The following SLC38A1 variants were observed in gnomAD, a reference collection of about 807,000 sequenced individuals.
SLC38A1 encodes the protein sodium-coupled neutral amino acid symporter 1.
In SLC38A1, 18 loss-of-function variants were observed where a neutral mutation model predicts 60.3. The observed-to-expected ratio is 0.30, with a 90% CI of 0.21 to 0.44. The LOEUF (loss-of-function observed/expected upper bound fraction) is 0.44. Ranked by LOEUF, SLC38A1 falls within the 20% of genes least tolerant of loss-of-function variation. SLC38A1 has a pLI of 1.00. For synonymous variants in SLC38A1, 196 were observed against 212.1 expected (o/e 0.92, Z 0.66); for missense variants, 448 against 587.2 (o/e 0.76, Z 2.45).
intron 2 of SLC38A1, among the ~76,000 whole-genome samples, chr12:46,241,085 C>T (rs1287036164): frequency 6.6e-6 from 1 of 151,982 alleles, no homozygotes; most frequent in Non-Finnish European, 1.5e-5. Flanking sequence ...GCATGGGGAG[C>T]CTCACCGTGA....
At chr12:46,208,904 C>T in intron 6 of SLC38A1, 150 bp downstream of exon 6, 1 of 565,760 alleles carries the variant, frequency 1.8e-6, no homozygotes, top group Non-Finnish European at 3.1e-6. Context: ...TAGATAAATA[C>T]TACTATAGGT....
At chr12:46,249,949 A>G (rs1445061119) in intron 1 of SLC38A1, among the ~76,000 whole-genome samples, 1 of 152,212 alleles carries the variant, frequency 6.6e-6, no homozygotes, top group Non-Finnish European at 1.5e-5. Flanking sequence ...AACTATTCTA[A>G]TTAATGGAAA....
At chr12:46,256,100 A>G (rs560320994) in intron 1 of SLC38A1, among the ~76,000 whole-genome samples, 1 of 149,754 alleles carries the variant, frequency 6.7e-6, no homozygotes, top group African/African-American at 2.5e-5. Context: ...TAGGAGGCAG[A>G]GCTTACAGTG....
chr12:46,263,657 C>T (rs1395009940), intron 1 of SLC38A1, among the ~76,000 whole-genome samples: 1 of 152,044 alleles, frequency 6.6e-6, no homozygotes, highest in Non-Finnish European at 1.5e-5. Context: ...CTATCCCTTT[C>T]TTTTTCCTTT....
chr12:46,192,527 T>A (rs1284693830), intron 16 of SLC38A1, among the ~76,000 whole-genome samples: 2 of 152,210 alleles, frequency 1.3e-5, no homozygotes, highest in African/African-American at 4.8e-5. Flanking sequence ...TCTTTGTACC[T>A]CTGGTAGAAT....
At chr12:46,224,013 A>T (rs2137743824) in intron 5 of SLC38A1, among the ~76,000 whole-genome samples, 1 of 152,360 alleles carries the variant, frequency 6.6e-6, no homozygotes, top group South Asian at 2.1e-4. Flanking sequence ...ATGTAACAAA[A>T]CAAAACCCAC....
At chr12:46,231,366 A>C (rs951360989) in intron 3 of SLC38A1, among the ~76,000 whole-genome samples, 5 of 152,222 alleles carry the variant, frequency 3.3e-5, no homozygotes, top group African/African-American at 1.2e-4. Flanking sequence ...TTAAAAGCCC[A>C]AACTTCACCA....
At chr12:46,195,165 T>G (rs1939311304) in intron 16 of SLC38A1, among the ~76,000 whole-genome samples, 1 of 152,178 alleles carries the variant, frequency 6.6e-6, no homozygotes, top group Non-Finnish European at 1.5e-5. Context: ...TGCTTTCTCT[T>G]TGTTAGTTTT....
chr12:46,249,248 C>G (rs909997929), intron 1 of SLC38A1, among the ~76,000 whole-genome samples: 1 of 149,380 alleles, frequency 6.7e-6, no homozygotes, highest in African/African-American at 2.5e-5. Flanking sequence ...GGGTAAATAA[C>G]AAAATGAAGG....
At chr12:46,208,947 T>C in intron 6 of SLC38A1, 107 bp downstream of exon 6, 2 of 796,826 alleles carry the variant, frequency 2.5e-6, no homozygotes, top group Non-Finnish European at 4.1e-6. Flanking sequence ...ATAGTCTTTC[T>C]TTTTAATAAT....
chr12:46,195,880 G>C, intron 16 of SLC38A1: 1 of 346,570 alleles, frequency 2.9e-6, no homozygotes. Flanking sequence ...GGCTGGGAAA[G>C]GTAAATCCCC....
intron 1 of SLC38A1, among the ~76,000 whole-genome samples, chr12:46,266,479 C>T (rs987054173): frequency 6.6e-6 from 1 of 151,806 alleles, no homozygotes; most frequent in African/African-American, 2.4e-5. Context: ...TTCCGCTGGC[C>T]TTCTTCCCTC....
chr12:46,241,151 T>A (rs575636783), intron 2 of SLC38A1, among the ~76,000 whole-genome samples: 5 of 151,932 alleles, frequency 3.3e-5, no homozygotes, highest in African/African-American at 1.2e-4. Flanking sequence ...AATGAGCTGG[T>A]TTTTTTTAAA....
intron 9 of SLC38A1, among the ~76,000 whole-genome samples, chr12:46,205,169 G>A (rs891082096): frequency 3.3e-5 from 5 of 152,172 alleles, no homozygotes; most frequent in African/African-American, 7.2e-5. Context: ...CAGAAAGGTA[G>A]AGTTAAGTAG....
chr12:46,203,801 T>C (rs539272498), intron 11 of SLC38A1, among the ~76,000 whole-genome samples: 72 of 152,216 alleles, frequency 4.7e-4, no homozygotes, highest in Admixed American at 4.7e-3. Flanking sequence ...AGAATACTTA[T>C]TTTTACTCAA....
At chr12:46,258,012 G>T (rs563545378) in intron 1 of SLC38A1, among the ~76,000 whole-genome samples, 1 of 152,188 alleles carries the variant, frequency 6.6e-6, no homozygotes, top group African/African-American at 2.4e-5. Context: ...TAAACAAGGG[G>T]TGAATTATTC....
intron 11 of SLC38A1, among the ~76,000 whole-genome samples, chr12:46,203,314 C>T (rs1017040324): frequency 3.9e-5 from 6 of 152,164 alleles, no homozygotes; most frequent in Admixed American, 2.6e-4. Context: ...GGATTTGGCT[C>T]ACCTATGGTG....
At chr12:46,226,756 C>T (rs1313787735) in intron 5 of SLC38A1, among the ~76,000 whole-genome samples, 2 of 151,706 alleles carry the variant, frequency 1.3e-5, no homozygotes, top group Non-Finnish European at 2.9e-5. Context: ...GCTGGGATTA[C>T]AGGTGCCCGC....
chr12:46,209,151 A>T (rs756323329), intron 5 of SLC38A1, 24 bp from the exon 6 acceptor site: 1 of 1,460,204 alleles, frequency 6.8e-7, no homozygotes, highest in Non-Finnish European at 9.6e-7. Flanking sequence ...AATAAATCTT[A>T]TTGTAATATC....
Sources: allele counts gnomAD v4.1 joint callset (sites outside exome capture counted in the v4.1 genomes callset), GRCh38; gene constraint gnomAD v4.1.1; transcripts MANE v1.5; gene names NCBI Gene and HGNC (gene_info 2026-07-23, HGNC 2026-07-21).